The following DAD1 variants were observed in gnomAD, a reference collection of about 807,000 sequenced individuals.
DAD1 encodes dolichyl-diphosphooligosaccharide--protein glycosyltransferase subunit DAD1.
In DAD1, 4 loss-of-function variants were observed where a neutral mutation model predicts 9.0. The observed-to-expected ratio is 0.44, with a 90% CI of 0.22 to 1.01. The LOEUF is 1.01. DAD1 is among the 50% of genes least tolerant of loss of function. The pLI, the probability that DAD1 is intolerant of heterozygous loss-of-function variation, is 0.24. For missense variants in DAD1, 119 were observed against 137.3 expected (o/e 0.87, Z 0.67); for synonymous variants, 60 against 62.5 (o/e 0.96, Z 0.19).
intron 1 of DAD1, among the ~76,000 whole-genome samples, chr14:22,584,585 T>C (rs920218404): frequency 2.0e-5 from 3 of 151,960 alleles, no homozygotes; most frequent in Admixed American, 1.3e-4. Context: ...AAATTGCACT[T>C]GAGCTGAGAA....
chr14:22,578,444 T>G (rs982138474), intron 1 of DAD1, among the ~76,000 whole-genome samples: 6 of 152,040 alleles, frequency 3.9e-5, no homozygotes, highest in Admixed American at 3.9e-4. Flanking sequence ...CACGCACCTG[T>G]AATCCCAGCT....
intron 1 of DAD1, among the ~76,000 whole-genome samples, chr14:22,586,199 CAAA>C (rs11357700): frequency 1.6e-5 from 2 of 122,454 alleles, no homozygotes; most frequent in Non-Finnish European, 1.8e-5. Context: ...GACTCCGTCT[CAAA>C]AAAAAAAAAA....
chr14:22,579,534 A>T (rs1049550453), intron 1 of DAD1, among the ~76,000 whole-genome samples: 3 of 152,228 alleles, frequency 2.0e-5, no homozygotes, highest in Non-Finnish European at 4.4e-5. Flanking sequence ...AAGGGTAACC[A>T]GTGTAAACCC....
chr14:22,585,800 A>T (rs940904421), intron 1 of DAD1, among the ~76,000 whole-genome samples: 7 of 152,226 alleles, frequency 4.6e-5, no homozygotes, highest in African/African-American at 1.7e-4. Context: ...ACACATGCAG[A>T]GGGAATAGAA....
intron 1 of DAD1, among the ~76,000 whole-genome samples, chr14:22,582,161 C>T (rs536524967): frequency 5.3e-5 from 8 of 151,424 alleles, no homozygotes; most frequent in East Asian, 1.9e-4. Context: ...GAGCTGAGAT[C>T]GCGCCACTGC....
At chr14:22,570,139 A>G (rs1348089233) in intron 2 of DAD1, among the ~76,000 whole-genome samples, 1 of 152,174 alleles carries the variant, frequency 6.6e-6, no homozygotes, top group African/African-American at 2.4e-5. Context: ...AGAGAAAATG[A>G]AATAAAAACT....
chr14:22,586,218 T>A (rs1042672311), intron 1 of DAD1, among the ~76,000 whole-genome samples: 6 of 142,388 alleles, frequency 4.2e-5, no homozygotes, highest in Non-Finnish European at 7.5e-5. Context: ...AAAAAAAGCA[T>A]CTTCAGAAGC....
At chr14:22,582,490 C>T (rs1351187495) in intron 1 of DAD1, among the ~76,000 whole-genome samples, 1 of 151,932 alleles carries the variant, frequency 6.6e-6, no homozygotes, top group Admixed American at 6.6e-5. Context: ...CGCCACTGCA[C>T]TCCAGCCTGG....
At chr14:22,580,337 T>G (rs552058510) in intron 1 of DAD1, among the ~76,000 whole-genome samples, 22 of 152,042 alleles carry the variant, frequency 1.4e-4, no homozygotes, top group African/African-American at 4.6e-4. Context: ...GGAAGATTGC[T>G]TGAGCCCAGG....
intron 1 of DAD1, among the ~76,000 whole-genome samples, chr14:22,587,503 A>C (rs2037161638): frequency 6.6e-6 from 1 of 152,156 alleles, no homozygotes; most frequent in African/African-American, 2.4e-5. Context: ...TGGTTAACAC[A>C]TCCTGAAGGC....
At chr14:22,576,786 A>T (rs1303920731) in intron 1 of DAD1, among the ~76,000 whole-genome samples, 3 of 152,206 alleles carry the variant, frequency 2.0e-5, no homozygotes, top group Non-Finnish European at 1.5e-5. Flanking sequence ...CAACAAAATA[A>T]TAACCAGATT....
chr14:22,572,268 T>G (rs1402016786), intron 2 of DAD1, among the ~76,000 whole-genome samples: 2 of 152,220 alleles, frequency 1.3e-5, no homozygotes, highest in African/African-American at 4.8e-5. Flanking sequence ...TGTTTTGTTC[T>G]ACCTTCTGAG....
intron 1 of DAD1, among the ~76,000 whole-genome samples, chr14:22,578,523 C>T (rs147764165): frequency 0.046 from 6,952 of 152,186 alleles, 291 homozygotes; most frequent in Non-Finnish European, 0.062. Flanking sequence ...GCCGAGATTG[C>T]GCCACTGCAC....
intron 2 of DAD1, among the ~76,000 whole-genome samples, chr14:22,569,411 C>T (rs559730793): frequency 7.0e-6 from 1 of 142,486 alleles, no homozygotes; most frequent in Admixed American, 7.2e-5. Flanking sequence ...ACAGCCTGGA[C>T]AACAAAGCGA....
intron 1 of DAD1, among the ~76,000 whole-genome samples, chr14:22,580,509 A>T (rs2037108946): frequency 6.6e-6 from 1 of 152,186 alleles, no homozygotes; most frequent in African/African-American, 2.4e-5. Context: ...AAAAAATCTG[A>T]AGAAATAGAA....
At chr14:22,587,484 G>A (rs1259383804) in intron 1 of DAD1, among the ~76,000 whole-genome samples, 6 of 152,164 alleles carry the variant, frequency 3.9e-5, no homozygotes, top group Non-Finnish European at 7.3e-5. Flanking sequence ...AGTGTATCTG[G>A]TCGGATGATG....
At chr14:22,565,231 T>C (rs561191544) in intron 2 of DAD1, 94 bp from the exon 3 acceptor site, 7 of 673,212 alleles carry the variant, frequency 1.0e-5, no homozygotes, top group African/African-American at 5.4e-5. Context: ...AAGACAGTTA[T>C]GGGGTTCCCA....
intron 2 of DAD1, among the ~76,000 whole-genome samples, chr14:22,572,194 T>A (rs2037046038): frequency 6.7e-6 from 1 of 148,450 alleles, no homozygotes; most frequent in South Asian, 2.1e-4. Flanking sequence ...ATCAGCTATA[T>A]TACAGAATTT....
chr14:22,588,907 A>C (rs1271577640), intron 1 of DAD1, 40 bp downstream of exon 1: 1 of 1,603,950 alleles, frequency 6.2e-7, no homozygotes, highest in Admixed American at 1.7e-5. Flanking sequence ...AGCACACCAA[A>C]GTAACACATT....
Sources: allele counts gnomAD v4.1 joint callset (sites outside exome capture counted in the v4.1 genomes callset), GRCh38; gene constraint gnomAD v4.1.1; transcripts MANE v1.5; gene names NCBI Gene and HGNC (gene_info 2026-07-23, HGNC 2026-07-21).